Variants in NBR1 observed in about 807,000 individuals in gnomAD.
The protein encoded by NBR1 is next to BRCA1 gene 1 protein.
In NBR1, 59 loss-of-function variants were observed where a neutral mutation model predicts 115.5. The ratio of observed to expected loss-of-function variants is 0.51; its 90% CI spans 0.41 to 0.63. The LOEUF is 0.63. NBR1 is among the 30% of genes least tolerant of loss of function. The pLI is 0.00. For missense variants in NBR1, 1,043 were observed against 1,150.5 expected (o/e 0.91, Z 1.35); for synonymous variants, 373 against 414.7 (o/e 0.90, Z 1.22).
rs576919129 is a variant in NBR1, at chr17:43,187,669, TG to T, written c.402+1227del. Among the ~76,000 whole-genome samples, 61 of 150,856 alleles carry T rather than the reference TG, an allele frequency of 4.0e-4. No individual in the cohort carries two copies. In the East Asian group the frequency reaches 9.9e-3, roughly 24 times the overall value. ...GATTACAGGCACACACCACCACACC[TG>T]GCTAATTTTTTGTATTTTTAGCAGT... On this transcript the variant is annotated intron_variant, in intron 6 of 20. Transcript: ENST00000590996.
At position 43,193,128 on chromosome 17, in the gene NBR1, A is replaced by G. The variant is rs777222409; in HGVS notation, c.1108A>G (p.Met370Val). 5.2e-5 allele frequency: 84 copies of G among 1,613,886 alleles called. 1 individual carries two copies. Among genetic ancestry groups the G allele is most frequent in the Non-Finnish European group, 6.9e-5 (81 of 1,179,898 alleles). The change falls in exon 11 of 21, where the codon ATG becomes GTG. Residue 370 changes from methionine (M) to valine (V), a missense_variant. By Grantham distance (21) the Met-to-Val change is conservative. Transcript: ENST00000590996. ...GCAGCCCTGTACCTCCGTTATGCCAATGCTCAGTGCAGCATTTGTGGATGA... is the reference window on the plus strand; with the variant it reads ...GCAGCCCTGTACCTCCGTTATGCCAGTGCTCAGTGCAGCATTTGTGGATGA... The part of the protein sequence containing the change: ...PLQPCTSVMP[M>V]LSAAFVDENL...
intron 11 of NBR1, 39 bp from the exon 12 acceptor site, chr17:43,193,309 G>A: frequency 2.5e-6 from 4 of 1,612,620 alleles, no homozygotes; most frequent in Non-Finnish European, 3.4e-6. Context: ...AGAGTGCTCA[G>A]CTGACAAGCT....
chr17:43,182,016 GC>G (rs1379733910), intron 5 of NBR1, among the ~76,000 whole-genome samples: 1 of 151,002 alleles, frequency 6.6e-6, no homozygotes, highest in African/African-American at 2.4e-5. Context: ...AACTCTTGAT[GC>G]CCCCCTTTTT....
At chr17:43,171,545 C>T (rs1345526886) in intron 1 of NBR1, among the ~76,000 whole-genome samples, 3 of 152,134 alleles carry the variant, frequency 2.0e-5, no homozygotes, top group Non-Finnish European at 4.4e-5. Context: ...TGGAAGGCCA[C>T]GACTCCCCAG....
intron 20 of NBR1, among the ~76,000 whole-genome samples, chr17:43,209,309 C>T (rs939992254): frequency 6.6e-6 from 1 of 152,018 alleles, no homozygotes; most frequent in Non-Finnish European, 1.5e-5. Flanking sequence ...ATCTCCTGAC[C>T]TCATGATCCG....
chr17:43,189,555 A>G, intron 7 of NBR1, 33 bp from the exon 8 acceptor site: 1 of 1,527,660 alleles, frequency 6.5e-7, no homozygotes, highest in Non-Finnish European at 9.1e-7. Flanking sequence ...ATTGGAACTG[A>G]GTTTTTTCCC....
intron 1 of NBR1, among the ~76,000 whole-genome samples, chr17:43,175,417 A>G (rs1209966899): frequency 6.6e-6 from 1 of 152,218 alleles, no homozygotes; most frequent in Non-Finnish European, 1.5e-5. Flanking sequence ...ATCATAAAGT[A>G]CCGTAAGGAT....
In NBR1 at chr17:43,191,423, G is replaced by A. The variant is rs756071973; in HGVS notation, c.915G>A (p.Leu305=). Residue 305 remains leucine (L), a synonymous_variant, in exon 10 of 21, where the codon TTG becomes TTA. Transcript: ENST00000590996. ...KNFLKAEKQR[L]RAEKKQRKAE... Reference sequence around the variant, plus strand: ...TTCTTAAAGCAGAAAAGCAAAGGTTGCGAGCTGAGAAGAAACAACGTAAAG... The same window carrying A: ...TTCTTAAAGCAGAAAAGCAAAGGTTACGAGCTGAGAAGAAACAACGTAAAG... The A allele has an allele frequency of 2.2e-5, 36 of 1,613,544 alleles. No individual in the cohort carries two copies. Among genetic ancestry groups the A allele is most frequent in the Non-Finnish European group, 3.1e-5 (36 of 1,179,718 alleles).
chr17:43,206,508 T>A (rs549499376), intron 20 of NBR1, among the ~76,000 whole-genome samples: 2 of 150,400 alleles, frequency 1.3e-5, no homozygotes, highest in Admixed American at 6.6e-5. Flanking sequence ...ATACAAAAAT[T>A]GCCGGGCGTG....
In NBR1 at chr17:43,189,097, G is replaced by A; in HGVS notation, c.458G>A (p.Trp153Ter). The change falls in exon 7 of 21, where the codon TGG becomes TAG. Residue 153 changes from tryptophan to a stop codon, truncating the protein, a stop_gained. Coordinates refer to ENST00000590996, the MANE Select transcript of NBR1 (RefSeq NM_005899.5). LOFTEE classifies it high-confidence loss of function. ...CAGCCTCAAGACAAGCCCCCAGACT[G>A]GTTCACAAGCTACCTGGAGACGGTG... ...TDQPQDKPPD[W>*]FTSYLETFRE... The A allele has an allele frequency of 1.2e-6, 2 of 1,612,432 alleles. No homozygotes were observed. Among genetic ancestry groups the A allele is most frequent in the South Asian group, 1.1e-5 (1 of 91,046 alleles).
At chr17:43,194,129 C>G (rs570053836) in intron 12 of NBR1, among the ~76,000 whole-genome samples, 6 of 152,292 alleles carry the variant, frequency 3.9e-5, no homozygotes, top group African/African-American at 1.4e-4. Context: ...CTGGTTTTGA[C>G]TATTATAGTT....
rs763044332 is a variant in NBR1, at chr17:43,197,130, A to G, written c.2026+24A>G. On this transcript the variant is annotated intron_variant, in intron 16 of 20. Coordinates refer to ENST00000590996, the MANE Select transcript of NBR1 (RefSeq NM_005899.5). ...GAGTGAGTGTCCTTGCATTTCCCCT[A>G]CCTAGCAGGGTGGCACCTGAATTGT... 82 of 1,609,762 alleles carry G rather than the reference A, an allele frequency of 5.1e-5. 2 individuals are homozygous for G. The South Asian group carries it at 7.4e-4, about 14-fold the overall frequency.
intron 20 of NBR1, 42 bp downstream of exon 20, chr17:43,203,828 T>C (rs1255348236): frequency 7.9e-7 from 1 of 1,258,086 alleles, no homozygotes. Flanking sequence ...CAACTCCATG[T>C]CACCAGTGAA....
chr17:43,204,985 C>A (rs899274154), intron 20 of NBR1, among the ~76,000 whole-genome samples: 2 of 151,732 alleles, frequency 1.3e-5, no homozygotes, highest in Non-Finnish European at 2.9e-5. Context: ...CAAAAAACAA[C>A]AACAAAAAAG....
chr17:43,185,577 T>C (rs1373403474), intron 5 of NBR1, among the ~76,000 whole-genome samples: 1 of 152,132 alleles, frequency 6.6e-6, no homozygotes, highest in Non-Finnish European at 1.5e-5. Context: ...GGCATGCGCC[T>C]GTAATCCCAG....
chr17:43,200,727 A>G, intron 17 of NBR1, 119 bp downstream of exon 17: 1 of 827,262 alleles, frequency 1.2e-6, no homozygotes. Context: ...TTCCATAGCA[A>G]AGTCTGAATT....
At chr17:43,204,735 A>AC (rs2057279154) in intron 20 of NBR1, among the ~76,000 whole-genome samples, 3 of 150,294 alleles carry the variant, frequency 2.0e-5, no homozygotes, top group African/African-American at 7.3e-5. Context: ...GAATTGCTTG[A>AC]TCCAGGGAGT....
intron 2 of NBR1, chr17:43,176,281 T>C (rs2056514712): frequency 6.2e-6 from 1 of 161,452 alleles, no homozygotes; most frequent in Non-Finnish European, 1.3e-5. Flanking sequence ...AGGATATAAC[T>C]TGTGTTTTGC....
Position 43,190,592 on chromosome 17 carries a change from C to T in NBR1, c.696-17C>T. On this transcript the variant is annotated splice_polypyrimidine_tract_variant and intron_variant, in intron 8 of 20. Coordinates refer to ENST00000590996, the MANE Select transcript of NBR1 (RefSeq NM_005899.5). ...TCCTATTCTGCCATTGTGTATTGTG[C>T]CATTCTTTCCCCACAGCCTATGCCC... 6.4e-7 allele frequency: 1 copy of T among 1,559,660 alleles called. No homozygotes were observed. The highest frequency in any genetic ancestry group is 2.4e-5 in the East Asian group (1 of 41,642).
Sources: allele counts gnomAD v4.1 joint callset (sites outside exome capture counted in the v4.1 genomes callset), GRCh38; gene constraint gnomAD v4.1.1; transcripts MANE v1.5; gene names NCBI Gene and HGNC (gene_info 2026-07-23, HGNC 2026-07-21).